The following ANXA4 variants were observed in gnomAD, a reference collection of about 807,000 sequenced individuals.
The protein encoded by ANXA4 is annexin A4, also known as 35-beta calcimedin.
In ANXA4, 39 loss-of-function variants were observed where a neutral mutation model predicts 49.8. That is an observed-to-expected ratio of 0.78 (90% CI 0.61 to 1.02). ANXA4 has a LOEUF of 1.02. Among genes scored for constraint, ANXA4 ranks in the 50% least tolerant of loss-of-function variants. The probability of loss-of-function intolerance (pLI) is 0.00; values close to 1 mark genes in which losing one functional copy is unlikely to be tolerated. For missense variants in ANXA4, 360 were observed against 410.1 expected, an observed-to-expected ratio of 0.88 and a Z score of 1.05; for synonymous variants, 134 against 152.5, an observed-to-expected ratio of 0.88 and a Z score of 0.89.
upstream of ANXA4, among the ~76,000 whole-genome samples, chr2:69,644,216 T>A (rs1286376964): frequency 8.0e-6 from 1 of 124,692 alleles, no homozygotes; most frequent in Non-Finnish European, 1.6e-5. Context: ...GCCATCTTAT[T>A]TGCGGCCTGG....
intron 7 of ANXA4, chr2:69,810,980 A>G (rs1019550005): frequency 3.3e-6 from 1 of 303,756 alleles, no homozygotes; most frequent in Non-Finnish European, 6.3e-6. Flanking sequence ...ATATATTGTC[A>G]TAAGGGAATA....
At chr2:69,796,675 G>A (rs960919896) in intron 3 of ANXA4, among the ~76,000 whole-genome samples, 1 of 152,134 alleles carries the variant, frequency 6.6e-6, no homozygotes, top group African/African-American at 2.4e-5. Context: ...TTTCTTGTAG[G>A]GGTAGAAGTG....
intron 6 of ANXA4, chr2:69,810,330 G>A: frequency 2.5e-6 from 1 of 407,864 alleles, no homozygotes. Flanking sequence ...CTGCACTCCA[G>A]ACTCCATCCA....
intron 5 of ANXA4, among the ~76,000 whole-genome samples, chr2:69,806,975 T>G (rs974715384): frequency 6.6e-6 from 1 of 152,168 alleles, no homozygotes; most frequent in Admixed American, 6.5e-5. Context: ...AACCTGCACA[T>G]GTACCCCTGC....
intron 3 of ANXA4, among the ~76,000 whole-genome samples, chr2:69,796,510 T>C (rs1672951245): frequency 6.6e-6 from 1 of 152,170 alleles, no homozygotes. Context: ...ACATAACAGC[T>C]CTCCATGTGA....
chr2:69,773,914 G>T (rs1323216832), intron 1 of ANXA4, among the ~76,000 whole-genome samples: 1 of 151,958 alleles, frequency 6.6e-6, no homozygotes, highest in East Asian at 1.9e-4. Context: ...ACAGGCATGA[G>T]TCACCGCGCC....
chr2:69,824,444 A>G (rs949315400), intron 12 of ANXA4, among the ~76,000 whole-genome samples: 14 of 150,524 alleles, frequency 9.3e-5, no homozygotes, highest in Non-Finnish European at 2.1e-4. Flanking sequence ...CGGAGGTCGC[A>G]GTGAGCCAGG....
At chr2:69,656,279 ATATATATACATATATGTATATATATG>A (rs1676456178) in intron 2 of ANXA4, among the ~76,000 whole-genome samples, 1 of 124,994 alleles carries the variant, frequency 8.0e-6, no homozygotes, top group African/African-American at 3.0e-5. Flanking sequence ...GTATATACGT[ATATATATACATATATGTATATATATG>A]TATATATGTA....
At chr2:69,774,441 T>C (rs1241761112) in intron 1 of ANXA4, among the ~76,000 whole-genome samples, 3 of 145,238 alleles carry the variant, frequency 2.1e-5, no homozygotes, top group Non-Finnish European at 4.5e-5. Flanking sequence ...CAGGTTCAAG[T>C]GATTCTTCTG....
intron 3 of ANXA4, among the ~76,000 whole-genome samples, chr2:69,730,284 C>T (rs896201370): frequency 2.6e-5 from 4 of 152,096 alleles, no homozygotes; most frequent in Non-Finnish European, 4.4e-5. Flanking sequence ...GGTGGATCAC[C>T]TGAGGTCAGG....
At chr2:69,813,407 C>T (rs532415681) in intron 8 of ANXA4, among the ~76,000 whole-genome samples, 1 of 152,216 alleles carries the variant, frequency 6.6e-6, no homozygotes, top group South Asian at 2.1e-4. Flanking sequence ...TGCCACCATA[C>T]CCGGCTAATT....
chr2:69,711,879 G>A (rs2105408368), intron 2 of ANXA4, among the ~76,000 whole-genome samples: 1 of 152,008 alleles, frequency 6.6e-6, no homozygotes, highest in African/African-American at 2.4e-5. Context: ...TGAGGGCACA[G>A]AGAGAGAAAA....
At position 69,676,593 on chromosome 2, in the gene ANXA4, A is replaced by G. The variant is rs911498603; in HGVS notation, n.766+23311A>G. On this transcript the variant is annotated intron_variant and non_coding_transcript_variant, in intron 2 of 3. Coordinates refer to the ANXA4 transcript ENST00000418066. ...TTTGTAGACAATTTTAAAATAAAGT[A>G]TAAATTAAAAACCATCTCTGGCCGG... Among the ~76,000 whole-genome samples the G allele has an allele frequency of 1.3e-5, 2 of 152,210 alleles. 1 individual carries two copies. Among genetic ancestry groups the G allele is most frequent in the Non-Finnish European group, 2.9e-5 (2 of 68,040 alleles).
intron 1 of ANXA4, among the ~76,000 whole-genome samples, chr2:69,649,047 T>G (rs1295557847): frequency 1.3e-5 from 2 of 151,896 alleles, no homozygotes; most frequent in Non-Finnish European, 2.9e-5. Flanking sequence ...CCACCACGCC[T>G]AGCTAATTTT....
At chr2:69,678,969 A>G (rs906038347) in intron 2 of ANXA4, among the ~76,000 whole-genome samples, 1 of 152,124 alleles carries the variant, frequency 6.6e-6, no homozygotes, top group Non-Finnish European at 1.5e-5. Context: ...ATGAATTACC[A>G]TCCTTATTGT....
intron 2 of ANXA4, among the ~76,000 whole-genome samples, chr2:69,715,867 C>T (rs749351059): frequency 7.9e-5 from 12 of 152,194 alleles, no homozygotes; most frequent in Non-Finnish European, 1.3e-4. Flanking sequence ...CTGGCAGCTG[C>T]TCCCTCAAGA....
chr2:69,679,374 T>TTTGAGTTCC (rs1677519068), intron 2 of ANXA4, among the ~76,000 whole-genome samples: 2 of 152,226 alleles, frequency 1.3e-5, no homozygotes, highest in African/African-American at 4.8e-5. Flanking sequence ...ACTTGAGTTG[T>TTTGAGTTCC]TTGAGTTCCT....
intron 1 of ANXA4, among the ~76,000 whole-genome samples, chr2:69,652,075 C>A (rs1046626777): frequency 4.6e-5 from 7 of 152,112 alleles, no homozygotes; most frequent in African/African-American, 1.7e-4. Context: ...GGCAGTGGCA[C>A]AATCTCAGCT....
At chr2:69,694,049 T>TG (rs1678070729) in intron 2 of ANXA4, among the ~76,000 whole-genome samples, 1 of 152,184 alleles carries the variant, frequency 6.6e-6, no homozygotes, top group Non-Finnish European at 1.5e-5. Context: ...CCAACGTATC[T>TG]GATTATCATG....
Sources: gnomAD v4.1 joint callset for allele counts (sites outside exome capture counted in the v4.1 genomes callset) on GRCh38, gnomAD v4.1.1 for gene constraint, MANE v1.5 for transcripts, NCBI Gene and HGNC (gene_info 2026-07-23, HGNC 2026-07-21) for gene names.